Variants in EP300 observed in about 807,000 individuals in gnomAD.
EP300 encodes the protein EP300 lysine acetyltransferase.
In EP300, 31 loss-of-function variants were observed where a neutral mutation model predicts 264.0. The ratio of observed to expected loss-of-function variants is 0.12; its 90% confidence interval spans 0.09 to 0.16. The LOEUF (loss-of-function observed/expected upper bound fraction) is 0.16. EP300 is among the 10% of genes least tolerant of loss of function. The pLI is 1.00. For missense variants in EP300, 2,766 were observed against 3,052.9 expected (o/e 0.91, Z 2.21); for synonymous variants, 1,340 against 1,045.4 (o/e 1.28, Z -5.44).
At chr22:41,140,842 T>G (rs542533048) in intron 9 of EP300, among the ~76,000 whole-genome samples, 4 of 152,310 alleles carry the variant, frequency 2.6e-5, no homozygotes, top group Admixed American at 2.6e-4. Context: ...CTCTTTTCAC[T>G]AGAATATAAT....
chr22:41,100,903 T>C (rs984599990), intron 1 of EP300, among the ~76,000 whole-genome samples: 4 of 152,022 alleles, frequency 2.6e-5, no homozygotes, highest in Non-Finnish European at 1.5e-5. Context: ...ATATATATTA[T>C]CATGTCACGT....
At chr22:41,142,734 CA>C (rs1167847803) in intron 10 of EP300, among the ~76,000 whole-genome samples, 9 of 151,908 alleles carry the variant, frequency 5.9e-5, no homozygotes, top group African/African-American at 1.7e-4. Flanking sequence ...AAATACAAAA[CA>C]ATTAGCCGGG....
At chr22:41,119,662 G>T (rs1339959445) in intron 2 of EP300, among the ~76,000 whole-genome samples, 1 of 152,038 alleles carries the variant, frequency 6.6e-6, no homozygotes, top group Non-Finnish European at 1.5e-5. Flanking sequence ...CTGCTTGGGG[G>T]TGTGGGACTA....
In EP300 at chr22:41,117,923, C is replaced by A; in HGVS notation, c.729+102C>A. On this transcript the variant is annotated intron_variant, in intron 2 of 30. Coordinates refer to ENST00000263253, the MANE Select transcript of EP300 (RefSeq NM_001429.4). ...CATTGTATAGCAGTTTCCACTATTACACGCCAGGAATTTACTGTGCTGTCA... is the reference window on the plus strand; with the variant it reads ...CATTGTATAGCAGTTTCCACTATTAAACGCCAGGAATTTACTGTGCTGTCA... 6 of 1,560,084 alleles carry A rather than the reference C, an allele frequency of 3.8e-6. No homozygotes were observed. The South Asian group carries it at 5.8e-5, about 15-fold the overall frequency.
intron 7 of EP300, among the ~76,000 whole-genome samples, chr22:41,137,188 A>G (rs1427760030): frequency 4.0e-5 from 6 of 150,456 alleles, no homozygotes; most frequent in African/African-American, 1.5e-4. Context: ...ATGAAACCCC[A>G]TCTCTACTAA....
chr22:41,093,519 C>T (rs1423602840), intron 1 of EP300, among the ~76,000 whole-genome samples: 1 of 152,154 alleles, frequency 6.6e-6, no homozygotes, highest in African/African-American at 2.4e-5. Flanking sequence ...ACTTTCCACT[C>T]TTCGAAATTT....
chr22:41,125,354 A>G (rs1306579427), intron 2 of EP300, among the ~76,000 whole-genome samples: 1 of 150,958 alleles, frequency 6.6e-6, no homozygotes, highest in Non-Finnish European at 1.5e-5. Flanking sequence ...TCCTGACCTC[A>G]TGATCCTCCC....
chr22:41,129,814 A>G, intron 4 of EP300, 76 bp from the exon 5 acceptor site: 1 of 1,070,318 alleles, frequency 9.3e-7, no homozygotes, highest in Non-Finnish European at 1.4e-6. Context: ...TTACTTATTA[A>G]GTGGTCAACA....
chr22:41,106,084 T>C (rs1486323144), intron 1 of EP300, among the ~76,000 whole-genome samples: 1 of 152,238 alleles, frequency 6.6e-6, no homozygotes, highest in Non-Finnish European at 1.5e-5. Flanking sequence ...TAGATAATTC[T>C]TCATTTACAG....
chr22:41,153,051 C>T (rs9623335), intron 16 of EP300, among the ~76,000 whole-genome samples: 10 of 152,100 alleles, frequency 6.6e-5, no homozygotes, highest in Non-Finnish European at 1.0e-4. Context: ...CTACCACACC[C>T]GGCCTCATTT....
At chr22:41,132,144 T>G (rs907531674) in intron 6 of EP300, among the ~76,000 whole-genome samples, 1 of 148,170 alleles carries the variant, frequency 6.7e-6, no homozygotes, top group African/African-American at 2.5e-5. Flanking sequence ...TGCAGTGAGC[T>G]GAGATTGAGC....
At chr22:41,136,527 G>A (rs1288770477) in intron 7 of EP300, among the ~76,000 whole-genome samples, 1 of 152,040 alleles carries the variant, frequency 6.6e-6, no homozygotes, top group African/African-American at 2.4e-5. Context: ...GGGGCATGGT[G>A]GCGTGCACCT....
chr22:41,119,771 G>A (rs770599254), intron 2 of EP300, among the ~76,000 whole-genome samples: 1 of 152,014 alleles, frequency 6.6e-6, no homozygotes, highest in Non-Finnish European at 1.5e-5. Context: ...TTGATGAGAA[G>A]GAGGAATTCA....
chr22:41,135,774 G>A lies in EP300; in HGVS notation c.1529-39G>A, dbSNP rs773652956. ...TAGTATTTATTGTATGGTGGCTGTT[G>A]TATTTATTTCTGTCTCCTGTTATTT... On this transcript the variant is annotated intron_variant, in intron 6 of 30. Coordinates refer to ENST00000263253, the MANE Select transcript of EP300 (RefSeq NM_001429.4). 5 of 1,417,018 alleles carry A rather than the reference G, an allele frequency of 3.5e-6. No homozygotes were observed. The East Asian group carries it at 9.1e-5, about 26-fold the overall frequency. The allele number at this position is 1,417,018 out of a possible 1,614,324, so 87.8% of individuals were successfully genotyped here.
intron 1 of EP300, among the ~76,000 whole-genome samples, chr22:41,094,987 TA>T (rs899313869): frequency 9.2e-5 from 14 of 151,448 alleles, no homozygotes; most frequent in African/African-American, 2.4e-4. Flanking sequence ...TTTTATAGTT[TA>T]AAAAAAAACT....
chr22:41,160,581 T>A, intron 19 of EP300, 61 bp from the exon 20 acceptor site: 1 of 1,557,470 alleles, frequency 6.4e-7, no homozygotes, highest in East Asian at 2.2e-5. Flanking sequence ...CTTCGTTGCT[T>A]GGCTTGGGCT....
chr22:41,093,169 AT>A lies in EP300; in HGVS notation c.94+81del, dbSNP rs901373416. 1,331 of 1,345,232 alleles carry A rather than the reference AT, an allele frequency of 9.9e-4. 1 individual carries two copies. Among genetic ancestry groups the A allele is most frequent in the Middle Eastern group, 2.8e-3 (14 of 4,934 alleles). 83.3% of individuals were successfully genotyped at this position (1,345,232 alleles called of 1,614,324 possible). On this transcript the variant is annotated intron_variant, in intron 1 of 30. Coordinates refer to ENST00000263253, the MANE Select transcript of EP300 (RefSeq NM_001429.4). The stretch of plus-strand genomic sequence containing the variant: ...CTACTCGGTGCGCCTTTATTCTTCC[AT>A]TTTTTTTTTCTTCCTCTCTCTCTAG...
At chr22:41,172,010 AAAG>A (rs1421085390) in intron 27 of EP300, among the ~76,000 whole-genome samples, 2 of 152,222 alleles carry the variant, frequency 1.3e-5, no homozygotes, top group Non-Finnish European at 2.9e-5. Context: ...TCAACTAAAT[AAAG>A]AAGTTTTCCT....
chr22:41,163,995 C>T (rs931547636), intron 21 of EP300, 58 bp from the exon 22 acceptor site: 3 of 1,492,798 alleles, frequency 2.0e-6, no homozygotes, highest in Non-Finnish European at 1.9e-6. Flanking sequence ...GGAAATATTG[C>T]AAGTTTTCAT....
Sources: allele counts gnomAD v4.1 joint callset (sites outside exome capture counted in the v4.1 genomes callset), GRCh38; gene constraint gnomAD v4.1.1; transcripts MANE v1.5; gene names NCBI Gene and HGNC (gene_info 2026-07-23, HGNC 2026-07-21).